The following PEX5L variants were observed in gnomAD, a reference collection of about 807,000 sequenced individuals.
PEX5L encodes the protein peroxisomal biogenesis factor 5 like, also known as PEX5-related protein.
In PEX5L, 30 loss-of-function variants were observed where a neutral mutation model predicts 84.0. The observed-to-expected ratio is 0.36, with a 90% CI of 0.27 to 0.48. The LOEUF (loss-of-function observed/expected upper bound fraction) is 0.48. Ranked by LOEUF, PEX5L falls within the 20% of genes least tolerant of loss-of-function variation. PEX5L has a pLI of 0.99. For missense variants in PEX5L, 533 were observed against 754.6 expected (o/e 0.71, Z 3.44); for synonymous variants, 270 against 283.1 (o/e 0.95, Z 0.46).
intron 2 of PEX5L, among the ~76,000 whole-genome samples, chr3:179,914,921 C>T (rs1248176446): frequency 6.6e-6 from 1 of 151,904 alleles, no homozygotes; most frequent in Non-Finnish European, 1.5e-5. Context: ...GCAGTTTAGA[C>T]AGGGAGAAAG....
chr3:179,820,064 G>C (rs1289986255), intron 8 of PEX5L, 88 bp from the exon 9 acceptor site: 1 of 1,572,190 alleles, frequency 6.4e-7, no homozygotes. Context: ...GATAAAAGAG[G>C]CTTCTGGGGA....
chr3:180,036,558 A>T (rs1353385082), intron 1 of PEX5L, 21 bp downstream of exon 1: 5 of 1,612,838 alleles, frequency 3.1e-6, no homozygotes, highest in Non-Finnish European at 4.2e-6. Flanking sequence ...AATTCTCTCC[A>T]GCCCTATAGA....
At chr3:179,938,964 T>G (rs1220776879) in intron 2 of PEX5L, among the ~76,000 whole-genome samples, 2 of 152,154 alleles carry the variant, frequency 1.3e-5, no homozygotes, top group African/African-American at 4.8e-5. Context: ...TCAGAAGTAT[T>G]TTCTTCACAA....
chr3:179,798,913 A>AAAC lies in PEX5L; in HGVS notation c.*2912_*2914dup, dbSNP rs1334254175. ...TTTCTTGGTGGTGCTCTATTCCTAT[A>AAAC]AACTGTCACTTTTTTGTTTTTTTTG... is the stretch of plus-strand genomic sequence containing the variant. On this transcript the variant is annotated 3_prime_UTR_variant, in exon 15 of 15. Transcript: ENST00000467460. 2.0e-5 allele frequency: 3 copies of AAAC among 152,170 alleles called. No individual in the cohort carries two copies. Among genetic ancestry groups the AAAC allele is most frequent in the African/African-American group, 7.2e-5 (3 of 41,430 alleles). 9.4% of individuals were successfully genotyped at this position (152,170 alleles called of 1,614,324 possible).
In PEX5L at chr3:179,873,702, G is replaced by A. The variant is rs1198006867; in HGVS notation, c.726+625C>T. On this transcript the variant is annotated intron_variant, in intron 7 of 14. Coordinates refer to ENST00000467460, the MANE Select transcript of PEX5L (RefSeq NM_016559.3). ...AGTGTCCCAGGAAAATGTGCTTGACGTCACTGAGACTAAAGAGTATCTTTA... is the reference window on the plus strand; with the variant it reads ...AGTGTCCCAGGAAAATGTGCTTGACATCACTGAGACTAAAGAGTATCTTTA... Among the ~76,000 whole-genome samples the A allele has an allele frequency of 3.9e-5, 6 of 152,120 alleles. 1 individual carries two copies. Among genetic ancestry groups the A allele is most frequent in the South Asian group, 4.1e-4 (2 of 4,826 alleles).
At chr3:179,859,216 A>C in intron 7 of PEX5L, 59 bp from the exon 8 acceptor site, 1 of 1,262,184 alleles carries the variant, frequency 7.9e-7, no homozygotes, top group Non-Finnish European at 1.2e-6. Flanking sequence ...TTATAGAAAT[A>C]TACAGGTGCT....
intron 2 of PEX5L, among the ~76,000 whole-genome samples, chr3:179,947,793 G>C (rs1378541946): frequency 6.8e-6 from 1 of 147,592 alleles, no homozygotes; most frequent in Non-Finnish European, 1.5e-5. Context: ...CGCAAGCTCT[G>C]CCTCCTGGGT....
intron 2 of PEX5L, among the ~76,000 whole-genome samples, chr3:179,919,817 C>G (rs189577624): frequency 6.6e-6 from 1 of 152,192 alleles, no homozygotes; most frequent in African/African-American, 2.4e-5. Flanking sequence ...ATTCTACTGC[C>G]TCAGCCTCCC....
intron 2 of PEX5L, among the ~76,000 whole-genome samples, chr3:179,904,520 T>C (rs994741872): frequency 6.6e-5 from 10 of 152,194 alleles, no homozygotes; most frequent in African/African-American, 9.6e-5. Context: ...TTCCTTGGTC[T>C]GAATGATTGG....
At chr3:179,914,188 G>GT (rs1435114816) in intron 2 of PEX5L, among the ~76,000 whole-genome samples, 1 of 152,182 alleles carries the variant, frequency 6.6e-6, no homozygotes, top group Admixed American at 6.5e-5. Context: ...AGTCCAAACT[G>GT]TAAGAGTTGC....
chr3:179,937,209 T>C (rs981302182), intron 2 of PEX5L, among the ~76,000 whole-genome samples: 4 of 152,200 alleles, frequency 2.6e-5, no homozygotes, highest in African/African-American at 7.2e-5. Context: ...CATATTGTTT[T>C]ATATTTAGGG....
intron 2 of PEX5L, among the ~76,000 whole-genome samples, chr3:179,925,914 A>G (rs976247529): frequency 9.2e-5 from 14 of 152,274 alleles, no homozygotes; most frequent in African/African-American, 3.1e-4. Context: ...GACCATATTG[A>G]AAATTGTTTT....
At chr3:179,876,639 C>T (rs913174339) in intron 5 of PEX5L, among the ~76,000 whole-genome samples, 3 of 152,114 alleles carry the variant, frequency 2.0e-5, no homozygotes, top group Admixed American at 6.5e-5. Context: ...TTAGTACAGT[C>T]GCACTGCTGT....
intron 2 of PEX5L, among the ~76,000 whole-genome samples, chr3:179,924,365 T>C (rs898933217): frequency 6.6e-6 from 1 of 152,216 alleles, no homozygotes; most frequent in Admixed American, 6.5e-5. Flanking sequence ...GTCATCTTCA[T>C]AGCTCCCTCT....
chr3:180,006,433 T>TA (rs1788904752), intron 1 of PEX5L, among the ~76,000 whole-genome samples: 2 of 152,282 alleles, frequency 1.3e-5, no homozygotes, highest in South Asian at 4.2e-4. Context: ...AAGCACACCC[T>TA]AATCTGTGGA....
intron 8 of PEX5L, among the ~76,000 whole-genome samples, chr3:179,826,818 C>G (rs1730678628): frequency 6.6e-6 from 1 of 152,136 alleles, no homozygotes; most frequent in Admixed American, 6.5e-5. Context: ...CACATGTTTA[C>G]TAAGCCTAAA....
At chr3:179,823,886 A>G (rs886275532) in intron 8 of PEX5L, among the ~76,000 whole-genome samples, 7 of 152,188 alleles carry the variant, frequency 4.6e-5, no homozygotes, top group Middle Eastern at 3.2e-3. Context: ...GGAAGATCTT[A>G]GCACAGAATC....
At position 179,991,566 on chromosome 3, in the gene PEX5L, A is replaced by G. The variant is rs1284301869; in HGVS notation, c.22-19901T>C. Among the ~76,000 whole-genome samples, 14 of 151,330 alleles carry G rather than the reference A, an allele frequency of 9.3e-5. No individual in the cohort carries two copies. The East Asian group carries it at 2.7e-3, about 29-fold the overall frequency. On this transcript the variant is annotated intron_variant, in intron 1 of 14. Transcript: ENST00000467460. ...ACCCTCTGGTTCTTTCTTTTTGTCT[A>G]TTTTTTAGGAGAAAGCATTGTCTGG... is the stretch of plus-strand genomic sequence containing the variant.
intron 2 of PEX5L, among the ~76,000 whole-genome samples, chr3:179,966,934 G>T (rs183480896): frequency 1.6e-4 from 25 of 152,272 alleles, no homozygotes; most frequent in African/African-American, 6.0e-4. Context: ...GTTGTGAGAG[G>T]AAAGGCAAGC....
Sources: allele counts gnomAD v4.1 joint callset (sites outside exome capture counted in the v4.1 genomes callset), GRCh38; gene constraint gnomAD v4.1.1; transcripts MANE v1.5; gene names NCBI Gene and HGNC (gene_info 2026-07-23, HGNC 2026-07-21).